Variants in RAD51B observed in about 807,000 individuals in gnomAD.
The protein encoded by RAD51B is DNA repair protein RAD51 homolog 2.
In RAD51B, 38 loss-of-function variants were observed where a neutral mutation model predicts 42.2. That is an observed-to-expected ratio of 0.90 (90% CI 0.70 to 1.18). The LOEUF is 1.18. Ranked by LOEUF, RAD51B falls within the 50% of genes most tolerant of loss-of-function variation. The probability of loss-of-function intolerance (pLI) is 0.00; values close to 1 mark genes in which losing one functional copy is unlikely to be tolerated. For missense variants in RAD51B, 373 were observed against 400.7 expected, an observed-to-expected ratio of 0.93 and a Z score of 0.59; for synonymous variants, 154 against 145.2, an observed-to-expected ratio of 1.06 and a Z score of -0.43.
chr14:68,417,699 G>A, intron 9 of RAD51B, among the ~76,000 whole-genome samples: 1 of 152,206 alleles, frequency 6.6e-6, no homozygotes, highest in Admixed American at 6.5e-5. Flanking sequence ...GGGCAACACA[G>A]ACACCCAAGT....
At chr14:68,313,157 G>T (rs1484808638) in intron 8 of RAD51B, among the ~76,000 whole-genome samples, 2 of 152,148 alleles carry the variant, frequency 1.3e-5, no homozygotes, top group East Asian at 3.9e-4. Flanking sequence ...GCTTATACCT[G>T]GTGAATTATA....
intron 7 of RAD51B, among the ~76,000 whole-genome samples, chr14:68,152,110 C>T (rs917686029): frequency 2.0e-5 from 3 of 151,984 alleles, no homozygotes; most frequent in African/African-American, 7.2e-5. Context: ...TCCCAAAGTG[C>T]TGGGATTGCA....
rs1282229529 is a variant in RAD51B at position 68,541,253 on chromosome 14, G to C, written c.1037-53232G>C. 6 of 985,290 alleles carry C rather than the reference G, an allele frequency of 6.1e-6. No homozygotes were observed. The East Asian group carries it at 4.5e-4, about 74-fold the overall frequency. 61.0% of individuals were successfully genotyped at this position (985,290 alleles called of 1,614,324 possible). A position where few individuals can be genotyped will look rare whatever the true frequency, so the allele number is the denominator to read the frequency against. On this transcript the variant is annotated intron_variant, in intron 10 of 10. Coordinates refer to the RAD51B transcript ENST00000487270. Reference sequence around the variant, plus strand: ...TTTCTTGAAGATTTGACAGATATTGGTTAAGTTCTTCAAATCTGACAACTG... The same window carrying C: ...TTTCTTGAAGATTTGACAGATATTGCTTAAGTTCTTCAAATCTGACAACTG...
intron 10 of RAD51B, among the ~76,000 whole-genome samples, chr14:68,602,268 C>T (rs1891248534): frequency 6.6e-6 from 1 of 151,992 alleles, no homozygotes; most frequent in Admixed American, 6.6e-5. Flanking sequence ...AGCTGGGACA[C>T]ACAAACATAG....
At position 67,902,799 on chromosome 14, in the gene RAD51B, C is replaced by A. The variant is rs560936112; in HGVS notation, c.756+15595C>A. 7.1e-4 allele frequency among the ~76,000 whole-genome samples: 108 copies of A among 152,174 alleles called. No homozygotes were observed. The South Asian group carries it at 8.1e-3, about 11-fold the overall frequency. The stretch of plus-strand genomic sequence containing the variant: ...ATTTATTGCTATATAAAGGGCTGGG[C>A]AAGTGCCTATAATGGCCACCTTTGG... On this transcript the variant is annotated intron_variant, in intron 7 of 10. Transcript: ENST00000471583.
chr14:67,902,630 G>A (rs2043649966), intron 7 of RAD51B, among the ~76,000 whole-genome samples: 1 of 152,162 alleles, frequency 6.6e-6, no homozygotes, highest in African/African-American at 2.4e-5. Flanking sequence ...GTTAGTAGTT[G>A]GGGGCTAGTG....
chr14:68,307,323 AT>A (rs1029396861), intron 8 of RAD51B, among the ~76,000 whole-genome samples: 3 of 152,188 alleles, frequency 2.0e-5, no homozygotes, highest in African/African-American at 7.2e-5. Flanking sequence ...TTAAAACTTA[AT>A]TATATGTCAG....
chr14:68,436,434 A>G (rs1326734660), intron 9 of RAD51B, among the ~76,000 whole-genome samples: 1 of 152,276 alleles, frequency 6.6e-6, no homozygotes, highest in Admixed American at 6.5e-5. Flanking sequence ...ATTATAGTAT[A>G]GTTTAAAGTC....
At chr14:68,253,909 T>C (rs562863974) in intron 7 of RAD51B, among the ~76,000 whole-genome samples, 1 of 152,324 alleles carries the variant, frequency 6.6e-6, no homozygotes, top group Admixed American at 6.5e-5. Context: ...TCCTGCTCTG[T>C]CTTAACAATT....
chr14:68,365,039 G>A (rs2083113247), intron 8 of RAD51B, among the ~76,000 whole-genome samples: 1 of 152,140 alleles, frequency 6.6e-6, no homozygotes, highest in Non-Finnish European at 1.5e-5. Flanking sequence ...AGCGTGGCAG[G>A]AATGTAGTGC....
intron 8 of RAD51B, among the ~76,000 whole-genome samples, chr14:68,370,523 C>A (rs192110014): frequency 1.3e-5 from 2 of 152,130 alleles, no homozygotes; most frequent in Non-Finnish European, 2.9e-5. Flanking sequence ...ACTTGACTGA[C>A]AGTTTAGGAA....
intron 10 of RAD51B, among the ~76,000 whole-genome samples, chr14:68,602,957 A>G (rs750329061): frequency 6.6e-5 from 10 of 152,212 alleles, no homozygotes; most frequent in Admixed American, 1.3e-4. Flanking sequence ...CAATAGGGAC[A>G]GGTACATATT....
chr14:68,004,469 A>G (rs2075546732), intron 7 of RAD51B, among the ~76,000 whole-genome samples: 1 of 151,522 alleles, frequency 6.6e-6, no homozygotes, highest in Admixed American at 6.6e-5. Context: ...AGCTTTCTTC[A>G]TTTTCTATTC....
intron 7 of RAD51B, among the ~76,000 whole-genome samples, chr14:67,896,716 C>T (rs1308127138): frequency 6.6e-6 from 1 of 152,064 alleles, no homozygotes; most frequent in Non-Finnish European, 1.5e-5. Flanking sequence ...TTTTCAAAGA[C>T]AAAATTTGTT....
At chr14:68,550,500 C>G (rs1888485942) in intron 10 of RAD51B, among the ~76,000 whole-genome samples, 1 of 152,206 alleles carries the variant, frequency 6.6e-6, no homozygotes, top group South Asian at 2.1e-4. Flanking sequence ...CAGAATCTTC[C>G]CTAGAAGAGG....
chr14:68,507,703 C>CCATT (rs1885435557), intron 10 of RAD51B, among the ~76,000 whole-genome samples: 1 of 152,210 alleles, frequency 6.6e-6, no homozygotes, highest in Admixed American at 6.5e-5. Flanking sequence ...ATGGAATATT[C>CCATT]CATTCCACTG....
intron 10 of RAD51B, among the ~76,000 whole-genome samples, chr14:68,550,442 C>T (rs2140382928): frequency 6.6e-6 from 1 of 152,294 alleles, no homozygotes; most frequent in East Asian, 1.9e-4. Context: ...ATGGGACATC[C>T]CCAGCAAAGC....
intron 7 of RAD51B, among the ~76,000 whole-genome samples, chr14:68,112,613 A>G (rs1481713958): frequency 1.3e-5 from 2 of 152,210 alleles, no homozygotes; most frequent in South Asian, 2.1e-4. Flanking sequence ...TGCTGGGGTG[A>G]TTGTTTTTAG....
Position 67,876,485 on chromosome 14 carries a change from G to A in RAD51B, c.453-9384G>A, listed in dbSNP as rs1377361360. ...AACTGATTACGAAAGAAGTCTATCT[G>A]TATCCATGAGCAGTTAACTCTTTCC... On this transcript the variant is annotated intron_variant, in intron 5 of 10. Transcript: ENST00000471583. 1.8e-4 allele frequency among the ~76,000 whole-genome samples: 27 copies of A among 152,122 alleles called. 1 individual carries two copies. Among genetic ancestry groups the A allele is most frequent in the Admixed American group, 1.7e-3 (26 of 15,270 alleles).
Sources: allele counts gnomAD v4.1 joint callset (sites outside exome capture counted in the v4.1 genomes callset), GRCh38; gene constraint gnomAD v4.1.1; transcripts MANE v1.5; gene names NCBI Gene and HGNC (gene_info 2026-07-23, HGNC 2026-07-21).